Variants in ASPRV1 observed in about 807,000 individuals in gnomAD.
ASPRV1 encodes the protein aspartic peptidase retroviral like 1.
ASPRV1 carries 7 observed loss-of-function variants against 11.0 expected under a neutral mutation model. That is an observed-to-expected ratio of 0.64 (90% CI 0.36 to 1.20). The LOEUF is 1.20. Among genes scored for constraint, ASPRV1 ranks in the 50% most tolerant of loss-of-function variants. ASPRV1 has a pLI of 0.02. For missense variants in ASPRV1, 299 were observed against 320.0 expected (o/e 0.93, Z 0.50); for synonymous variants, 136 against 138.4 (o/e 0.98, Z 0.12).
chr2:69,977,155 TAC>T, the ASPRV1 span, among the ~76,000 whole-genome samples: 1 of 151,100 alleles, frequency 6.6e-6, no homozygotes, highest in African/African-American at 2.4e-5. Context: ...CAGCCTGGGC[TAC>T]AGAGTGAGAC....
chr2:70,064,757 G>T, the ASPRV1 span, among the ~76,000 whole-genome samples: 7 of 152,148 alleles, frequency 4.6e-5, no homozygotes, highest in Non-Finnish European at 7.3e-5. Context: ...TCAATAATGT[G>T]TCAGACATTG....
chr2:70,009,921 G>C, the ASPRV1 span, among the ~76,000 whole-genome samples: 1 of 152,194 alleles, frequency 6.6e-6, no homozygotes, highest in Non-Finnish European at 1.5e-5. Context: ...ATAAGGCAAT[G>C]CAGGGACCAG....
At chr2:69,937,065 A>G in the ASPRV1 span, 1 of 859,216 alleles carries the variant, frequency 1.2e-6, no homozygotes, top group Non-Finnish European at 2.0e-6. Context: ...AGACGAAGCC[A>G]GGAGTCACTG....
At chr2:70,001,750 A>AGG in the ASPRV1 span, among the ~76,000 whole-genome samples, 6 of 152,134 alleles carry the variant, frequency 3.9e-5, no homozygotes, top group Admixed American at 1.3e-4. Context: ...GCAAGAGCGA[A>AGG]ACTCCATCTC....
chr2:69,984,861 T>C, the ASPRV1 span, among the ~76,000 whole-genome samples: 1 of 148,444 alleles, frequency 6.7e-6, no homozygotes, highest in Non-Finnish European at 1.5e-5. Flanking sequence ...GGGCCAGCTT[T>C]TTTTTTTTTT....
At chr2:69,963,919 G>A (rs2104294571), upstream of ASPRV1, among the ~76,000 whole-genome samples, 1 of 152,292 alleles carries the variant, frequency 6.6e-6, no homozygotes, top group Admixed American at 6.5e-5. Flanking sequence ...GCAGGGGTCT[G>A]GTGGGCAGTG....
At chr2:70,038,283 ATGCT>A in the ASPRV1 span, among the ~76,000 whole-genome samples, 950 of 152,368 alleles carry the variant, frequency 6.2e-3, 9 homozygotes, top group African/African-American at 0.022. Context: ...AGAGTGGCTC[ATGCT>A]TGTATTCCCA....
chr2:70,085,313 C>T, the ASPRV1 span, among the ~76,000 whole-genome samples: 10,371 of 152,106 alleles, frequency 0.068, 1,222 homozygotes, highest in African/African-American at 0.24. Flanking sequence ...TGAATCACTT[C>T]CCCCTCCCTA....
chr2:70,050,456 GC>G, the ASPRV1 span: 1 of 152,002 alleles, frequency 6.6e-6, no homozygotes, highest in Admixed American at 6.6e-5. Flanking sequence ...GGGGAAGCAC[GC>G]TTTTTTCTAA....
the ASPRV1 span, among the ~76,000 whole-genome samples, chr2:69,981,463 T>C: frequency 6.6e-6 from 1 of 152,240 alleles, no homozygotes; most frequent in Non-Finnish European, 1.5e-5. Context: ...ATGGATCATA[T>C]AATTAGAGTG....
chr2:69,992,244 G>A, the ASPRV1 span, among the ~76,000 whole-genome samples: 2 of 152,094 alleles, frequency 1.3e-5, no homozygotes, highest in Non-Finnish European at 2.9e-5. Flanking sequence ...TCTACTCGGC[G>A]TCTTCGCCTA....
the ASPRV1 span, among the ~76,000 whole-genome samples, chr2:70,010,722 T>C: frequency 6.6e-6 from 1 of 152,270 alleles, no homozygotes; most frequent in East Asian, 1.9e-4. Context: ...TGAGAGCTGC[T>C]TCCTCCAGGA....
At chr2:70,003,775 T>C in the ASPRV1 span, among the ~76,000 whole-genome samples, 1 of 152,194 alleles carries the variant, frequency 6.6e-6, no homozygotes, top group Non-Finnish European at 1.5e-5. Flanking sequence ...CCAATGCAAG[T>C]GCTGGGATGT....
In ASPRV1 at chr2:69,960,538, A is replaced by C; in HGVS notation, c.*119T>G. On this transcript the variant is annotated 3_prime_UTR_variant, in exon 1 of 1. Coordinates refer to ENST00000320256, the MANE Select transcript of ASPRV1 (RefSeq NM_152792.4). ...TGCAGAGGGAGGCAAAGGGGAGAGAAGAGCAAGAGTTGATAAGCAGACTGG... is the reference window on the plus strand; with the variant it reads ...TGCAGAGGGAGGCAAAGGGGAGAGACGAGCAAGAGTTGATAAGCAGACTGG... The C allele has an allele frequency of 2.7e-6, 3 of 1,091,580 alleles. No homozygotes were observed. The highest frequency in any genetic ancestry group is 2.6e-6 in the Non-Finnish European group (2 of 767,852). 67.6% of individuals were successfully genotyped at this position (1,091,580 alleles called of 1,614,324 possible).
At chr2:70,038,965 G>C in the ASPRV1 span, among the ~76,000 whole-genome samples, 1 of 151,954 alleles carries the variant, frequency 6.6e-6, no homozygotes, top group African/African-American at 2.4e-5. Flanking sequence ...TGTAATCCCA[G>C]CTACTTGGGA....
upstream of ASPRV1, among the ~76,000 whole-genome samples, chr2:69,965,973 G>T (rs1021209079): frequency 1.2e-4 from 18 of 152,152 alleles, no homozygotes; most frequent in African/African-American, 3.9e-4. Flanking sequence ...ACCCTTCTTT[G>T]CCCCTAGCTC....
the ASPRV1 span, among the ~76,000 whole-genome samples, chr2:69,952,768 C>T: frequency 1.3e-5 from 2 of 151,302 alleles, no homozygotes; most frequent in Admixed American, 6.7e-5. Flanking sequence ...AATAGTCCCC[C>T]CCATCCCCTA....
chr2:70,003,762 T>C, the ASPRV1 span, among the ~76,000 whole-genome samples: 1 of 152,214 alleles, frequency 6.6e-6, no homozygotes, highest in Non-Finnish European at 1.5e-5. Context: ...GGAAACTTAA[T>C]TCCCAATGCA....
chr2:70,069,560 G>A, the ASPRV1 span, among the ~76,000 whole-genome samples: 2 of 152,094 alleles, frequency 1.3e-5, no homozygotes, highest in Admixed American at 1.3e-4. Flanking sequence ...TTAGAGCTTC[G>A]GGGTAGCTCA....
Sources: allele counts gnomAD v4.1 joint callset (sites outside exome capture counted in the v4.1 genomes callset), GRCh38; gene constraint gnomAD v4.1.1; transcripts MANE v1.5; gene names NCBI Gene and HGNC (gene_info 2026-07-23, HGNC 2026-07-21).